KCNIP1: variants seen among roughly 807,000 people sequenced by gnomAD.
KCNIP1 encodes the protein A-type potassium channel modulatory protein KCNIP1.
KCNIP1 carries 18 observed loss-of-function variants against 33.0 expected under a neutral mutation model. That is an observed-to-expected ratio of 0.55 (90% CI 0.38 to 0.81). The LOEUF is 0.81. Among genes scored for constraint, KCNIP1 ranks in the 30% least tolerant of loss-of-function variants. KCNIP1 has a pLI of 0.00. For synonymous variants in KCNIP1, 93 were observed against 98.3 expected (o/e 0.95, Z 0.32); for missense variants, 238 against 271.6 (o/e 0.88, Z 0.87).
At chr5:170,355,642 G>C (rs1420741882) in intron 1 of KCNIP1, among the ~76,000 whole-genome samples, 1 of 152,348 alleles carries the variant, frequency 6.6e-6, no homozygotes, top group South Asian at 2.1e-4. Flanking sequence ...CATCTAAGCT[G>C]AGATGAGGAG....
intron 1 of KCNIP1, among the ~76,000 whole-genome samples, chr5:170,361,244 C>T (rs956942945): frequency 6.6e-6 from 1 of 152,118 alleles, no homozygotes; most frequent in Admixed American, 6.5e-5. Flanking sequence ...GGGAGAGGAG[C>T]TTTGGGGGAG....
chr5:170,540,256 C>T (rs1756148029), intron 1 of KCNIP1, among the ~76,000 whole-genome samples: 1 of 152,220 alleles, frequency 6.6e-6, no homozygotes, highest in African/African-American at 2.4e-5. Context: ...AAGCCTACGT[C>T]CTGTAGAGAC....
At chr5:170,680,929 G>A in intron 1 of KCNIP1, 1 of 397,478 alleles carries the variant, frequency 2.5e-6, no homozygotes, top group South Asian at 1.4e-4. Context: ...GGAAGGAAGG[G>A]AGGGAGGCAG....
chr5:170,520,311 C>T (rs1344969021), intron 1 of KCNIP1, among the ~76,000 whole-genome samples: 1 of 152,198 alleles, frequency 6.6e-6, no homozygotes, highest in Non-Finnish European at 1.5e-5. Flanking sequence ...AGTGCAGGGA[C>T]AGCATCAGAA....
intron 1 of KCNIP1, among the ~76,000 whole-genome samples, chr5:170,370,712 C>A (rs1763820716): frequency 6.6e-6 from 1 of 152,174 alleles, no homozygotes; most frequent in Non-Finnish European, 1.5e-5. Flanking sequence ...AGACCTGAGA[C>A]CTGGGCGCAA....
At chr5:170,370,067 G>T (rs1763802215) in intron 1 of KCNIP1, among the ~76,000 whole-genome samples, 1 of 152,154 alleles carries the variant, frequency 6.6e-6, no homozygotes, top group Non-Finnish European at 1.5e-5. Context: ...AAATTGTTAA[G>T]TCAGGGTACC....
chr5:170,589,605 T>A (rs1246497943), intron 1 of KCNIP1, among the ~76,000 whole-genome samples: 1 of 152,056 alleles, frequency 6.6e-6, no homozygotes, highest in Non-Finnish European at 1.5e-5. Flanking sequence ...TGGGGCACTT[T>A]TGTTTCAGAT....
rs1756835678 is a variant in KCNIP1 at position 170,475,463 on chromosome 5, C to G, written c.88+121499C>G. On this transcript the variant is annotated intron_variant, in intron 1 of 7. Transcript: ENST00000377360. ...GAACCTCCCTGACTCCTGCTGCAGA[C>G]CCACTGAGAGGTGACTCCCACACGG... Among the ~76,000 whole-genome samples, 3 of 152,332 alleles carry G rather than the reference C, an allele frequency of 2.0e-5. No homozygotes were observed. In the South Asian group the frequency reaches 6.2e-4, roughly 32 times the overall value.
rs1049246785 is a variant in KCNIP1, at chr5:170,721,923, A to G, written c.327+20A>G. On this transcript the variant is annotated intron_variant, in intron 4 of 7. Coordinates refer to ENST00000328939, the MANE Select transcript of KCNIP1 (RefSeq NM_014592.4). ...TTCGAGGTACGCTCATCTGGGGTCC[A>G]CTCTAGGGGTCCTCTGGTTCTGCAT... The G allele has an allele frequency of 3.1e-6, 5 of 1,613,218 alleles. No individual in the cohort carries two copies. In the South Asian group the frequency reaches 3.3e-5, roughly 11 times the overall value.
At chr5:170,715,111 G>A (rs1036555531) in intron 1 of KCNIP1, among the ~76,000 whole-genome samples, 15 of 152,102 alleles carry the variant, frequency 9.9e-5, no homozygotes, top group African/African-American at 3.6e-4. Context: ...TCTAAATTTA[G>A]TATGTTTGGA....
intron 1 of KCNIP1, among the ~76,000 whole-genome samples, chr5:170,688,564 A>G (rs1037907679): frequency 1.3e-5 from 2 of 152,172 alleles, no homozygotes; most frequent in South Asian, 2.1e-4. Context: ...ACCCAAGAAG[A>G]TGAACAGAGG....
intron 1 of KCNIP1, among the ~76,000 whole-genome samples, chr5:170,484,859 C>T (rs1411088790): frequency 6.6e-6 from 1 of 151,960 alleles, no homozygotes; most frequent in African/African-American, 2.4e-5. Context: ...TCCACATCTT[C>T]TTCCATTTGC....
intron 1 of KCNIP1, among the ~76,000 whole-genome samples, chr5:170,403,249 C>A (rs1264324905): frequency 2.0e-5 from 3 of 152,132 alleles, no homozygotes; most frequent in Non-Finnish European, 4.4e-5. Context: ...CCACGTGGGC[C>A]AGATGTCCTA....
intron 1 of KCNIP1, among the ~76,000 whole-genome samples, chr5:170,598,029 C>T (rs1758527928): frequency 6.6e-6 from 1 of 152,110 alleles, no homozygotes; most frequent in Non-Finnish European, 1.5e-5. Flanking sequence ...TCTGTGGCCC[C>T]CACTCCTGCC....
intron 1 of KCNIP1, among the ~76,000 whole-genome samples, chr5:170,666,131 T>C (rs764611369): frequency 2.0e-5 from 3 of 152,238 alleles, no homozygotes; most frequent in Non-Finnish European, 2.9e-5. Flanking sequence ...TCTTCATGAA[T>C]TATTGGGAAT....
At chr5:170,710,556 C>T (rs1329635831) in intron 1 of KCNIP1, among the ~76,000 whole-genome samples, 2 of 152,158 alleles carry the variant, frequency 1.3e-5, no homozygotes, top group African/African-American at 2.4e-5. Flanking sequence ...AATGTGTTAC[C>T]TATCTGGTTG....
intron 1 of KCNIP1, among the ~76,000 whole-genome samples, chr5:170,613,206 T>C (rs1397486908): frequency 6.6e-6 from 1 of 152,144 alleles, no homozygotes; most frequent in Non-Finnish European, 1.5e-5. Context: ...GGATTCCTCA[T>C]CTCGCCTCCC....
intron 1 of KCNIP1, among the ~76,000 whole-genome samples, chr5:170,366,915 C>G (rs1451629719): frequency 6.6e-6 from 1 of 152,218 alleles, no homozygotes; most frequent in East Asian, 1.9e-4. Context: ...GGGGGAGACT[C>G]CCAAGTCTCT....
Position 170,568,648 on chromosome 5 carries a change from T to TAAA in KCNIP1, c.61+64038_61+64040dup, listed in dbSNP as rs33992187. ...CGAACATGGTGAAACCCGTTTCTAC[T>TAAA]AAAAAAAAAAAAAAAAAAAAAAAAA... On this transcript the variant is annotated intron_variant, in intron 1 of 7. Transcript: ENST00000328939. 1.9e-3 allele frequency among the ~76,000 whole-genome samples: 84 copies of TAAA among 43,726 alleles called. 3 individuals carry two copies. Among genetic ancestry groups the TAAA allele is most frequent in the Admixed American group, 1.8e-3 (4 of 2,256 alleles). The allele number at this position is 43,726 out of a possible 152,430, so 28.7% of individuals were successfully genotyped here.
Sources: gnomAD v4.1 joint callset for allele counts (sites outside exome capture counted in the v4.1 genomes callset) on GRCh38, gnomAD v4.1.1 for gene constraint, MANE v1.5 for transcripts, NCBI Gene and HGNC (gene_info 2026-07-23, HGNC 2026-07-21) for gene names.